Variants in MDGA2 observed in about 807,000 individuals in gnomAD.
The protein encoded by MDGA2 is MAM domain-containing glycosylphosphatidylinositol anchor protein 2.
In MDGA2, 40 loss-of-function variants were observed where a neutral mutation model predicts 117.8. The observed-to-expected ratio is 0.34, with a 90% CI of 0.26 to 0.44. MDGA2 has a LOEUF of 0.44. Ranked by LOEUF, MDGA2 falls within the 20% of genes least tolerant of loss-of-function variation. The pLI is 1.00. For missense variants in MDGA2, 1,123 were observed against 1,250.6 expected (o/e 0.90, Z 1.54); for synonymous variants, 452 against 439.0 (o/e 1.03, Z -0.37).
At chr14:47,573,233 T>C (rs566709950) in intron 1 of MDGA2, among the ~76,000 whole-genome samples, 12 of 152,294 alleles carry the variant, frequency 7.9e-5, no homozygotes, top group African/African-American at 2.9e-4. Context: ...TGAGAGTTGA[T>C]TAAGATAACA....
chr14:46,970,331 T>C (rs1886214693), intron 8 of MDGA2, among the ~76,000 whole-genome samples: 2 of 151,972 alleles, frequency 1.3e-5, no homozygotes, highest in Non-Finnish European at 2.9e-5. Flanking sequence ...ACAATAACAG[T>C]ATAGCAGTCG....
At chr14:47,050,549 C>T (rs577972857) in intron 7 of MDGA2, among the ~76,000 whole-genome samples, 1 of 152,072 alleles carries the variant, frequency 6.6e-6, no homozygotes, top group Non-Finnish European at 1.5e-5. Context: ...AAAAATAATT[C>T]ACCATAAACA....
chr14:46,855,178 T>C lies in MDGA2; in HGVS notation c.2753-24A>G, dbSNP rs1045144610. On this transcript the variant is annotated intron_variant, in intron 14 of 16. Transcript: ENST00000399232. This position sits in a 1 kb window ranked among gnomAD's most constrained non-coding sequence, Gnocchi z 4.1. Reference sequence around the variant, plus strand: ...ACCTAAAAATGACAATAAAATTTTATTTTGCATATTCATTTTCACCTCAAA... The same window carrying C: ...ACCTAAAAATGACAATAAAATTTTACTTTGCATATTCATTTTCACCTCAAA... The C allele has an allele frequency of 6.3e-7, 1 of 1,582,150 alleles. No individual in the cohort carries two copies. The highest frequency in any genetic ancestry group is 8.6e-7 in the Non-Finnish European group (1 of 1,167,462).
intron 1 of MDGA2, among the ~76,000 whole-genome samples, chr14:47,356,313 C>T (rs1000515659): frequency 2.6e-5 from 4 of 152,184 alleles, no homozygotes; most frequent in Admixed American, 1.3e-4. Context: ...CTATGCTTAT[C>T]GCCCTCTTTC....
chr14:47,231,753 GA>G (rs61088338), intron 2 of MDGA2, among the ~76,000 whole-genome samples: 46,182 of 142,748 alleles, frequency 0.32, 7,476 homozygotes, highest in Middle Eastern at 0.4. Context: ...CTTCGTGTTG[GA>G]AAAAAAAAAA....
chr14:47,105,692 C>T (rs1249245261), intron 5 of MDGA2, among the ~76,000 whole-genome samples: 1 of 150,210 alleles, frequency 6.7e-6, no homozygotes, highest in Non-Finnish European at 1.5e-5. Flanking sequence ...CATTCTTTTA[C>T]ACATCAGTCC....
chr14:47,216,763 A>G (rs571967534), intron 3 of MDGA2, among the ~76,000 whole-genome samples: 1 of 152,270 alleles, frequency 6.6e-6, no homozygotes, highest in Admixed American at 6.6e-5. Context: ...AAAATTGTAT[A>G]TGAACAAAAA....
intron 1 of MDGA2, among the ~76,000 whole-genome samples, chr14:47,480,076 CA>C (rs919602622): frequency 1.4e-4 from 16 of 117,388 alleles, no homozygotes; most frequent in African/African-American, 4.8e-4. Flanking sequence ...GGTTCCTTTA[CA>C]AAAAAATCAA....
intron 1 of MDGA2, among the ~76,000 whole-genome samples, chr14:47,539,356 C>T (rs1051440047): frequency 6.6e-6 from 1 of 152,176 alleles, no homozygotes; most frequent in Non-Finnish European, 1.5e-5. Context: ...TTTCCTTCTG[C>T]AATGTTGCTT....
chr14:47,216,831 A>G (rs1886106580), intron 3 of MDGA2, among the ~76,000 whole-genome samples: 4 of 152,122 alleles, frequency 2.6e-5, no homozygotes, highest in African/African-American at 9.7e-5. Context: ...TTTGGGAAGT[A>G]TACAGGTGTG....
chr14:47,445,777 C>CTGCACA (rs1333809788), intron 1 of MDGA2, among the ~76,000 whole-genome samples: 2 of 152,210 alleles, frequency 1.3e-5, no homozygotes, highest in East Asian at 3.9e-4. Context: ...AGAAAAATTG[C>CTGCACA]TGCACACCAA....
chr14:47,140,403 G>A (rs1405708261), intron 4 of MDGA2, among the ~76,000 whole-genome samples: 1 of 151,878 alleles, frequency 6.6e-6, no homozygotes, highest in Non-Finnish European at 1.5e-5. Context: ...CAACAAAGTT[G>A]GCATCATACT....
intron 7 of MDGA2, among the ~76,000 whole-genome samples, chr14:47,048,022 T>C: frequency 6.6e-6 from 1 of 152,056 alleles, no homozygotes. Flanking sequence ...CCATTAGACA[T>C]AATAATTTGA....
chr14:47,610,576 A>AAACAACAAC (rs569248521), intron 1 of MDGA2, among the ~76,000 whole-genome samples: 49 of 151,640 alleles, frequency 3.2e-4, no homozygotes, highest in Middle Eastern at 3.4e-3. Flanking sequence ...AAAAACAAAC[A>AAACAACAAC]AACAACAACA....
At chr14:47,395,073 T>C (rs541184573) in intron 1 of MDGA2, among the ~76,000 whole-genome samples, 10 of 152,156 alleles carry the variant, frequency 6.6e-5, no homozygotes, top group Non-Finnish European at 1.2e-4. Flanking sequence ...GAGGACAGTT[T>C]GAGCCCAGGA....
intron 2 of MDGA2, among the ~76,000 whole-genome samples, chr14:47,281,205 T>C (rs111696439): frequency 2.5e-4 from 38 of 151,618 alleles, no homozygotes; most frequent in African/African-American, 8.0e-4. Context: ...TATTTTTTTT[T>C]CAATTAGAAT....
intron 1 of MDGA2, among the ~76,000 whole-genome samples, chr14:47,373,009 A>T (rs1376329789): frequency 6.6e-6 from 1 of 152,006 alleles, no homozygotes; most frequent in Non-Finnish European, 1.5e-5. Context: ...TCCCATTTTT[A>T]AAAATCATAT....
intron 7 of MDGA2, among the ~76,000 whole-genome samples, chr14:47,036,872 T>C (rs1489554352): frequency 6.6e-6 from 1 of 152,240 alleles, no homozygotes; most frequent in African/African-American, 2.4e-5. Flanking sequence ...TTCATTTAAT[T>C]CCTTCACTTA....
chr14:46,964,919 CTTTTTTTTTT>C (rs746778179), intron 8 of MDGA2, among the ~76,000 whole-genome samples: 1,447 of 89,806 alleles, frequency 0.016, 90 homozygotes, highest in South Asian at 0.049. Context: ...TATATATTTA[CTTTTTTTTTT>C]TTTTTTTTTT....
Sources: gnomAD v4.1 joint callset for allele counts (sites outside exome capture counted in the v4.1 genomes callset) on GRCh38, gnomAD v4.1.1 for gene constraint, Gnocchi (gnomAD v3.1) non-coding constraint, MANE v1.5 for transcripts, NCBI Gene and HGNC (gene_info 2026-07-23, HGNC 2026-07-21) for gene names.